The following SNCAIP variants were observed in gnomAD, a reference collection of about 807,000 sequenced individuals.
SNCAIP encodes the protein synphilin-1.
Under a neutral mutation model 86.7 loss-of-function variants are expected in SNCAIP, and 43 were observed. The observed-to-expected ratio is 0.50, with a 90% CI of 0.39 to 0.64. The LOEUF (loss-of-function observed/expected upper bound fraction) is 0.64. Ranked by LOEUF, SNCAIP falls within the 30% of genes least tolerant of loss-of-function variation. The pLI is 0.00. For synonymous variants in SNCAIP, 417 were observed against 427.2 expected (o/e 0.98, Z 0.29); for missense variants, 981 against 1,103.1 (o/e 0.89, Z 1.57).
chr5:122,343,835 G>T lies in SNCAIP; in HGVS notation c.-47+31551G>T, dbSNP rs117323328. Among the ~76,000 whole-genome samples, 285 of 152,338 alleles carry T rather than the reference G, an allele frequency of 1.9e-3. 4 individuals are homozygous for T. The East Asian group carries it at 0.046, about 25-fold the overall frequency. On this transcript the variant is annotated intron_variant, in intron 1 of 10. Transcript: ENST00000261368. ...GTGCCCAGTGTCCCTTAGGGGCATAGTCACCTCTGGCTGAGAACCAGTTCT... is the reference window on the plus strand; with the variant it reads ...GTGCCCAGTGTCCCTTAGGGGCATATTCACCTCTGGCTGAGAACCAGTTCT...
intron 1 of SNCAIP, among the ~76,000 whole-genome samples, chr5:122,337,738 C>G (rs188207689): frequency 6.6e-6 from 1 of 152,292 alleles, no homozygotes; most frequent in Non-Finnish European, 1.5e-5. Flanking sequence ...CAGGGCTTCG[C>G]CATGTTGGCC....
intron 5 of SNCAIP, among the ~76,000 whole-genome samples, chr5:122,431,646 A>G (rs1778424414): frequency 6.6e-6 from 1 of 152,172 alleles, no homozygotes; most frequent in African/African-American, 2.4e-5. Flanking sequence ...ACAGGAGTAT[A>G]CATATTTGTC....
At chr5:122,382,781 G>A (rs1445334680) in intron 1 of SNCAIP, among the ~76,000 whole-genome samples, 1 of 152,200 alleles carries the variant, frequency 6.6e-6, no homozygotes, top group African/African-American at 2.4e-5. Context: ...CTCAGCTGCA[G>A]GTCTGTTGGA....
intron 2 of SNCAIP, among the ~76,000 whole-genome samples, chr5:122,400,825 G>C (rs1771651073): frequency 6.6e-6 from 1 of 152,232 alleles, no homozygotes; most frequent in Non-Finnish European, 1.5e-5. Context: ...AGACATGGTA[G>C]AGAAGTGGAA....
At chr5:122,335,949 G>A (rs530455422) in intron 1 of SNCAIP, among the ~76,000 whole-genome samples, 10 of 152,140 alleles carry the variant, frequency 6.6e-5, no homozygotes, top group African/African-American at 2.2e-4. Flanking sequence ...AGAACCTGGC[G>A]ATTCATGACA....
intron 1 of SNCAIP, among the ~76,000 whole-genome samples, chr5:122,331,871 A>C (rs1248029427): frequency 6.6e-6 from 1 of 152,242 alleles, no homozygotes; most frequent in Non-Finnish European, 1.5e-5. Context: ...CGATACATGA[A>C]AGACTTTCTT....
chr5:122,443,153 A>G (rs1292465024), intron 7 of SNCAIP, among the ~76,000 whole-genome samples: 1 of 152,154 alleles, frequency 6.6e-6, no homozygotes, highest in East Asian at 1.9e-4. Context: ...ATGGTGAGTG[A>G]TCATAAACCA....
At chr5:122,384,709 C>T (rs34801747) in intron 1 of SNCAIP, among the ~76,000 whole-genome samples, 1 of 152,230 alleles carries the variant, frequency 6.6e-6, no homozygotes, top group Non-Finnish European at 1.5e-5. Flanking sequence ...AGGCTCTCCT[C>T]TAGGAGCTGG....
chr5:122,423,693 T>C lies in SNCAIP; in HGVS notation c.956T>C (p.Val319Ala). ...GAAAGGAGTGAGTATCTGAAAAAAGTGAAAAGCATCTTGAACATTGTTAAA... is the reference window on the plus strand; with the variant it reads ...GAAAGGAGTGAGTATCTGAAAAAAGCGAAAAGCATCTTGAACATTGTTAAA... ...PEERSEYLKKVKSILNIVKEG... is the reference protein window; with the variant it reads ...PEERSEYLKKAKSILNIVKEG... Residue 319 changes from valine to alanine, a missense_variant, in exon 4 of 11, where the codon GTG becomes GCG. Coordinates refer to ENST00000261368, the MANE Select transcript of SNCAIP (RefSeq NM_005460.4). 6.2e-7 allele frequency: 1 copy of C among 1,606,068 alleles called. No homozygotes were observed. Among genetic ancestry groups the C allele is most frequent in the Non-Finnish European group, 8.5e-7 (1 of 1,179,878 alleles).
At chr5:122,313,647 G>A (rs1271637455) in intron 1 of SNCAIP, among the ~76,000 whole-genome samples, 1 of 152,254 alleles carries the variant, frequency 6.6e-6, no homozygotes, top group African/African-American at 2.4e-5. Flanking sequence ...ACATCTGGGA[G>A]AGAAAGTCTA....
chr5:122,459,506 G>C (rs1294327758), intron 10 of SNCAIP, among the ~76,000 whole-genome samples: 2 of 152,086 alleles, frequency 1.3e-5, no homozygotes, highest in Non-Finnish European at 2.9e-5. Context: ...TTCGTTCTTT[G>C]AATACTGTTA....
chr5:122,435,074 C>T (rs934400693), intron 6 of SNCAIP, among the ~76,000 whole-genome samples: 1 of 152,114 alleles, frequency 6.6e-6, no homozygotes, highest in Non-Finnish European at 1.5e-5. Context: ...GGGTAGCCAA[C>T]AGTTTTTAGT....
chr5:122,319,759 A>G (rs1027187885), intron 1 of SNCAIP, among the ~76,000 whole-genome samples: 1 of 152,246 alleles, frequency 6.6e-6, no homozygotes, highest in Non-Finnish European at 1.5e-5. Context: ...TGTGTTTGAC[A>G]TGTAACCATT....
chr5:122,424,734 AC>A (rs1777032721), intron 4 of SNCAIP, among the ~76,000 whole-genome samples: 1 of 152,112 alleles, frequency 6.6e-6, no homozygotes, highest in African/African-American at 2.4e-5. Context: ...AATGCTAAAA[AC>A]ACCTCTTAGC....
chr5:122,385,334 AC>A (rs1397527314), intron 1 of SNCAIP, among the ~76,000 whole-genome samples: 1 of 152,160 alleles, frequency 6.6e-6, no homozygotes, highest in Non-Finnish European at 1.5e-5. Flanking sequence ...GTTCATGTGT[AC>A]TTCTTGGCTC....
At chr5:122,412,987 T>C (rs1185877208) in intron 3 of SNCAIP, among the ~76,000 whole-genome samples, 1 of 152,138 alleles carries the variant, frequency 6.6e-6, no homozygotes, top group Non-Finnish European at 1.5e-5. Context: ...GAGACCTAAC[T>C]CTCAAGATGA....
intron 5 of SNCAIP, among the ~76,000 whole-genome samples, chr5:122,430,089 T>A (rs748963369): frequency 6.6e-6 from 1 of 152,168 alleles, no homozygotes; most frequent in Admixed American, 6.5e-5. Flanking sequence ...GGGAGTTCCA[T>A]TATCCAAATG....
intron 1 of SNCAIP, among the ~76,000 whole-genome samples, chr5:122,359,604 A>G (rs1034396289): frequency 7.9e-5 from 12 of 151,996 alleles, no homozygotes; most frequent in Admixed American, 2.6e-4. Flanking sequence ...AGCTCACACA[A>G]TCTGCCCACC....
intron 1 of SNCAIP, among the ~76,000 whole-genome samples, chr5:122,365,974 G>A (rs1163491366): frequency 6.6e-6 from 1 of 152,030 alleles, no homozygotes; most frequent in African/African-American, 2.4e-5. Context: ...AGCTTCCTTA[G>A]GAGTTACTTC....
Sources: allele counts gnomAD v4.1 joint callset (sites outside exome capture counted in the v4.1 genomes callset), GRCh38; gene constraint gnomAD v4.1.1; transcripts MANE v1.5; gene names NCBI Gene and HGNC (gene_info 2026-07-23, HGNC 2026-07-21).